Variants in EDEM1 observed in about 807,000 individuals in gnomAD.
The protein encoded by EDEM1 is ER degradation-enhancing alpha-mannosidase-like protein 1.
Under a neutral mutation model 74.4 loss-of-function variants are expected in EDEM1, and 67 were observed. That is an observed-to-expected ratio of 0.90 (90% confidence interval 0.74 to 1.10). The LOEUF (loss-of-function observed/expected upper bound fraction) is 1.10, where lower values mean the gene tolerates loss of function less well. Among genes scored for constraint, EDEM1 ranks in the 50% least tolerant of loss-of-function variants. EDEM1 has a pLI of 0.00. For synonymous variants in EDEM1, 382 were observed against 335.9 expected (o/e 1.14, Z -1.50); for missense variants, 926 against 851.6 (o/e 1.09, Z -1.09).
At position 5,187,721 on chromosome 3, in the gene EDEM1, C is replaced by G. The variant is rs745559603; in HGVS notation, c.-85C>G. The G allele has an allele frequency of 3.6e-6, 5 of 1,398,006 alleles. No homozygotes were observed. The highest frequency in any genetic ancestry group is 5.9e-5 in the Admixed American group (2 of 33,628). The allele number at this position is 1,398,006 out of a possible 1,614,324, so 86.6% of individuals were successfully genotyped here. ...GGGAGTTCCTTAAAGGGGAAGCGAG[C>G]CGGGCTACGGGGCGAGCGCGGGGTG... On this transcript the variant is annotated 5_prime_UTR_variant, in exon 1 of 12. Transcript: ENST00000256497.
rs759995910 is a variant in EDEM1, at chr3:5,187,833, C to A, written c.28C>A (p.Leu10Met). 1 of 1,590,250 alleles carries A rather than the reference C, an allele frequency of 6.3e-7. No homozygotes were observed. Among genetic ancestry groups the A allele is most frequent in the Admixed American group, 1.7e-5 (1 of 57,534 alleles). MQWRALVLG[L>M]VLLRLGLHGV... Reference sequence around the variant, plus strand: ...GCAATGGCGAGCGCTCGTCCTGGGGCTGGTGCTCCTCCGGCTTGGCCTCCA... The same window carrying A: ...GCAATGGCGAGCGCTCGTCCTGGGGATGGTGCTCCTCCGGCTTGGCCTCCA... Residue 10 changes from leucine to methionine, a missense_variant, in exon 1 of 12, where the codon CTG (leucine) becomes ATG (methionine). Transcript: ENST00000256497.
rs887599873 is a variant in EDEM1, at chr3:5,218,812, A to G, written c.*2894A>G. 6.6e-6 allele frequency: 1 copy of G among 152,208 alleles called. No individual in the cohort carries two copies. Among genetic ancestry groups the G allele is most frequent in the Admixed American group, 6.5e-5 (1 of 15,280 alleles). 9.4% of individuals were successfully genotyped at this position (152,208 alleles called of 1,614,324 possible). On this transcript the variant is annotated 3_prime_UTR_variant, in exon 12 of 12. Coordinates refer to ENST00000256497, the MANE Select transcript of EDEM1 (RefSeq NM_014674.3). ...CTCTCCATTTGCACTGGCCATTGTGAAAAACCAGCTTCTGTATTCAAATCT... is the reference window on the plus strand; with the variant it reads ...CTCTCCATTTGCACTGGCCATTGTGGAAAACCAGCTTCTGTATTCAAATCT...
chr3:5,188,622 A>G (rs2106582247), intron 1 of EDEM1, among the ~76,000 whole-genome samples: 1 of 152,348 alleles, frequency 6.6e-6, no homozygotes, highest in South Asian at 2.1e-4. Context: ...TGGCAGTGCC[A>G]AGGGCTGGCT....
intron 6 of EDEM1, 121 bp from the exon 7 acceptor site, chr3:5,207,031 TG>T: frequency 7.4e-7 from 1 of 1,343,382 alleles, no homozygotes; most frequent in Non-Finnish European, 1.0e-6. Context: ...GTTTAAGGAA[TG>T]AGTTAGGAGA....
At chr3:5,191,991 T>G (rs187738599) in intron 1 of EDEM1, among the ~76,000 whole-genome samples, 179 of 152,346 alleles carry the variant, frequency 1.2e-3, no homozygotes, top group Non-Finnish European at 2.3e-3. Context: ...AATCTCAAAT[T>G]AAGCCAAACA....
In EDEM1 at chr3:5,201,898, A is replaced by G. The variant is rs182229012; in HGVS notation, c.832A>G (p.Thr278Ala). 2 of 1,613,984 alleles carry G rather than the reference A, an allele frequency of 1.2e-6. No individual in the cohort carries two copies. Among genetic ancestry groups the G allele is most frequent in the Admixed American group, 1.7e-5 (1 of 60,008 alleles). The change falls in exon 4 of 12, where the codon ACC becomes GCC. Residue 278 changes from threonine to alanine, a missense_variant. Coordinates refer to ENST00000256497, the MANE Select transcript of EDEM1 (RefSeq NM_014674.3). ...AVRLLPAFEN[T>A]KTGIPYPRVN... ...GCGGCTCCTCCCTGCTTTTGAAAAC[A>G]CCAAGACAGGGATTCCATATCCTCG...
At chr3:5,206,010 C>T (rs1430357111) in intron 6 of EDEM1, among the ~76,000 whole-genome samples, 1 of 151,974 alleles carries the variant, frequency 6.6e-6, no homozygotes, top group Non-Finnish European at 1.5e-5. Context: ...TGTTTTGGTT[C>T]TAATACTTTA....
chr3:5,203,213 T>C, intron 5 of EDEM1, 64 bp downstream of exon 5: 1 of 1,449,198 alleles, frequency 6.9e-7, no homozygotes, highest in Non-Finnish European at 9.2e-7. Flanking sequence ...TTTCATCTTC[T>C]CTGGGCTCTG....
Position 5,187,998 on chromosome 3 carries a change from G to T in EDEM1, c.193G>T (p.Gly65Trp), listed in dbSNP as rs765846281. The part of the protein sequence containing the change: ...PTSGPVGRPG[G>W]VSGPSWLQPP... ...CTCGGGGCCCGTGGGCCGGCCTGGG[G>T]GGGTATCCGGGCCGTCGTGGCTGCA... Residue 65 changes from glycine to tryptophan, a missense_variant, in exon 1 of 12, where the codon GGG becomes TGG. By Grantham distance (184) the Gly-to-Trp change is radical. Coordinates refer to ENST00000256497, the MANE Select transcript of EDEM1 (RefSeq NM_014674.3). The T allele has an allele frequency of 1.1e-5, 16 of 1,511,964 alleles. No individual in the cohort carries two copies. Among genetic ancestry groups the T allele is most frequent in the African/African-American group, 1.4e-5 (1 of 69,176 alleles). The allele number at this position is 1,511,964 out of a possible 1,614,324, so 93.7% of individuals were successfully genotyped here.
chr3:5,202,828 T>C lies in EDEM1; in HGVS notation c.859-138T>C, dbSNP rs2055049371. On this transcript the variant is annotated intron_variant, in intron 4 of 11. Transcript: ENST00000256497. ...ATTTAATTCCCGTATTCACCTCAGA[T>C]GTATCTTGGAAGGCAGAGGGCAGAC... 7.7e-6 allele frequency: 5 copies of C among 646,436 alleles called. No homozygotes were observed. The Admixed American group carries it at 1.5e-4, about 20-fold the overall frequency. The allele number at this position is 646,436 out of a possible 1,614,324, so 40.0% of individuals were successfully genotyped here. A position where few individuals can be genotyped will look rare whatever the true frequency, so the allele number is the denominator to read the frequency against.
rs2054858227 is a variant in EDEM1 at position 5,188,511 on chromosome 3, C to CT, written c.509+199dup. 8.3e-6 allele frequency: 4 copies of CT among 484,016 alleles called. No individual in the cohort carries two copies. In the Admixed American group the frequency reaches 1.3e-4, roughly 16 times the overall value. The allele number at this position is 484,016 out of a possible 1,614,324, so 30.0% of individuals were successfully genotyped here. On this transcript the variant is annotated intron_variant, in intron 1 of 11. Transcript: ENST00000256497. ...TGAGGGTGCGGGGTGGGCCGGTGGC[C>CT]TTCCTCTCCTGATTCTCCCGGAATC...
In EDEM1 at chr3:5,210,208, A is replaced by G. The variant is rs763055131; in HGVS notation, c.1543A>G (p.Met515Val). The change falls in exon 9 of 12, where the codon ATG (methionine) becomes GTG (valine). Residue 515 changes from methionine to valine, a missense_variant. Met to Val is a conservative substitution (Grantham distance 21). Transcript: ENST00000256497. ...GAATCCCTTCTACCTCCATGTAGGAATGGATATTCTGCAGAGTCTGGAAAA... is the reference window on the plus strand; with the variant it reads ...GAATCCCTTCTACCTCCATGTAGGAGTGGATATTCTGCAGAGTCTGGAAAA... ...TKNPFYLHVG[M>V]DILQSLEKYT... 36 of 1,614,134 alleles carry G rather than the reference A, an allele frequency of 2.2e-5. No homozygotes were observed. Among genetic ancestry groups the G allele is most frequent in the Non-Finnish European group, 2.7e-5 (32 of 1,180,044 alleles).
Position 5,188,017 on chromosome 3 carries a change from GGCT to G in EDEM1, c.215_217del (p.Leu72del). 6.8e-7 allele frequency: 1 copy of G among 1,468,966 alleles called. No individual in the cohort carries two copies. Among genetic ancestry groups the G allele is most frequent in the South Asian group, 1.4e-5 (1 of 73,982 alleles). The allele number at this position is 1,468,966 out of a possible 1,614,324, so 91.0% of individuals were successfully genotyped here. A position where few individuals can be genotyped will look rare whatever the true frequency, so the allele number is the denominator to read the frequency against. ...CCTGGGGGGGTATCCGGGCCGTCGT[GGCT>G]GCAGCCGCCGGGGACCGGGGCAGCG... On this transcript the variant is annotated inframe_deletion, in exon 1 of 12. Transcript: ENST00000256497.
intron 8 of EDEM1, among the ~76,000 whole-genome samples, chr3:5,209,177 A>G (rs1190413709): frequency 2.6e-5 from 4 of 152,210 alleles, no homozygotes; most frequent in African/African-American, 9.7e-5. Flanking sequence ...GCTTCAGATG[A>G]AAAAAGGGGA....
At position 5,211,192 on chromosome 3, in the gene EDEM1, T is replaced by A; in HGVS notation, c.1656T>A (p.Ser552Arg). ...ACCGGATGGAGAGCTTCTTTCTCAG[T>A]GAGACCTGTAAATATTTGTATCTGG... ...TEDRMESFFL[S>R]ETCKYLYLLF... The change falls in exon 10 of 12, where the codon AGT (serine) becomes AGA (arginine). Residue 552 changes from serine to arginine, a missense_variant. Coordinates refer to ENST00000256497, the MANE Select transcript of EDEM1 (RefSeq NM_014674.3). The A allele has an allele frequency of 6.2e-7, 1 of 1,614,142 alleles. No individual in the cohort carries two copies. Among genetic ancestry groups the A allele is most frequent in the South Asian group, 1.1e-5 (1 of 91,082 alleles).
chr3:5,214,610 G>A (rs985729985), intron 11 of EDEM1, among the ~76,000 whole-genome samples: 4 of 152,152 alleles, frequency 2.6e-5, no homozygotes, highest in African/African-American at 7.2e-5. Flanking sequence ...AAACGCTTAC[G>A]TACATTAATC....
chr3:5,208,745 G>GTT (rs769888293), intron 8 of EDEM1, among the ~76,000 whole-genome samples: 46 of 147,990 alleles, frequency 3.1e-4, no homozygotes, highest in African/African-American at 1.2e-3. Context: ...GTTTGTGTTT[G>GTT]TGTGTGTGTG....
rs1033630386 is a variant in EDEM1, at chr3:5,188,001, G to A, written c.196G>A (p.Val66Ile). The change falls in exon 1 of 12, where the codon GTA (valine) becomes ATA (isoleucine). Residue 66 changes from valine to isoleucine, a missense_variant. Val to Ile is a conservative substitution (Grantham distance 29). Transcript: ENST00000256497. ...GGGGCCCGTGGGCCGGCCTGGGGGG[G>A]TATCCGGGCCGTCGTGGCTGCAGCC... ...TSGPVGRPGG[V>I]SGPSWLQPPG... 1 of 1,508,162 alleles carries A rather than the reference G, an allele frequency of 6.6e-7. No homozygotes were observed. 93.4% of individuals were successfully genotyped at this position (1,508,162 alleles called of 1,614,324 possible). A position where few individuals can be genotyped will look rare whatever the true frequency, so the allele number is the denominator to read the frequency against.
At chr3:5,197,803 G>T (rs997120006) in intron 2 of EDEM1, among the ~76,000 whole-genome samples, 2 of 152,204 alleles carry the variant, frequency 1.3e-5, no homozygotes, top group South Asian at 2.1e-4. Flanking sequence ...TAAAAAGAAA[G>T]AACTGAAAGC....
Sources: allele counts gnomAD v4.1 joint callset (sites outside exome capture counted in the v4.1 genomes callset), GRCh38; gene constraint gnomAD v4.1.1; transcripts MANE v1.5; gene names NCBI Gene and HGNC (gene_info 2026-07-23, HGNC 2026-07-21).